The following ELAC2 variants were observed in gnomAD, a reference collection of about 807,000 sequenced individuals.
ELAC2 encodes the protein elaC ribonuclease Z 2, also known as zinc phosphodiesterase ELAC protein 2.
A neutral mutation model predicts 105.2 loss-of-function variants in ELAC2; 92 were observed. The ratio of observed to expected loss-of-function variants is 0.87; its 90% CI spans 0.74 to 1.04. ELAC2 has a LOEUF of 1.04. ELAC2 is among the 50% of genes least tolerant of loss of function. The pLI is 0.00. For synonymous variants in ELAC2, 468 were observed against 409.1 expected, an observed-to-expected ratio of 1.14 and a Z score of -1.74; for missense variants, 1,099 against 1,071.7, an observed-to-expected ratio of 1.03 and a Z score of -0.36.
Position 13,013,199 on chromosome 17 carries a change from A to C in ELAC2, c.559+8T>G. The C allele has an allele frequency of 6.2e-7, 1 of 1,614,184 alleles. No homozygotes were observed. The highest frequency in any genetic ancestry group is 8.5e-7 in the Non-Finnish European group (1 of 1,180,020). On this transcript the variant is annotated splice_region_variant and intron_variant, in intron 6 of 23. Coordinates refer to ENST00000338034, the MANE Select transcript of ELAC2 (RefSeq NM_018127.7). ...CCTCCTCCTGGGAAACCTGGCTTTC[A>C]TACTCACTGTGTATGGGGATCTGGT...
Position 12,992,719 on chromosome 17 carries a change from G to C in ELAC2, c.*99C>G, listed in dbSNP as rs1005336453. 2 of 1,433,470 alleles carry C rather than the reference G, an allele frequency of 1.4e-6. No homozygotes were observed. The highest frequency in any genetic ancestry group is 1.2e-5 in the South Asian group (1 of 84,834). 88.8% of individuals were successfully genotyped at this position (1,433,470 alleles called of 1,614,324 possible). ...ACCTATCCTGAGCTGCCTCCTGGGG[G>C]ACCGTGCTCTTCAGCTTCTACCAGC... is the stretch of plus-strand genomic sequence containing the variant. On this transcript the variant is annotated 3_prime_UTR_variant, in exon 24 of 24. Transcript: ENST00000338034.
Position 13,000,283 on chromosome 17 carries a change from A to G in ELAC2, c.1305-9T>C. 1 of 1,609,962 alleles carries G rather than the reference A, an allele frequency of 6.2e-7. No individual in the cohort carries two copies. The highest frequency in any genetic ancestry group is 8.5e-7 in the Non-Finnish European group (1 of 1,177,238). Reference sequence around the variant, plus strand: ...AAGTAATAATGGCATCCCTGCAGGAAGAGAGAGAAGCATCTCAGGTGACGG... The same window carrying G: ...AAGTAATAATGGCATCCCTGCAGGAGGAGAGAGAAGCATCTCAGGTGACGG... On this transcript the variant is annotated splice_polypyrimidine_tract_variant and intron_variant, in intron 14 of 23. Coordinates refer to ENST00000338034, the MANE Select transcript of ELAC2 (RefSeq NM_018127.7).
chr17:12,994,285 C>CACAG (rs2040353034), intron 22 of ELAC2, 140 bp downstream of exon 22: 1 of 992,132 alleles, frequency 1.0e-6, no homozygotes. Context: ...TGAGCACTGC[C>CACAG]ACAGGTCAAG....
chr17:12,992,266 G>GACTT lies in ELAC2; in HGVS notation c.*548_*551dup, dbSNP rs1444781597. ...AGAGGTGCTCACTACGACGGGAGCT[G>GACTT]ACTTCTTCCAAGCCACCCGGGTACC... On this transcript the variant is annotated 3_prime_UTR_variant, in exon 24 of 24. Coordinates refer to ENST00000338034, the MANE Select transcript of ELAC2 (RefSeq NM_018127.7). 4.1e-6 allele frequency: 1 copy of GACTT among 241,368 alleles called. No individual in the cohort carries two copies. The highest frequency in any genetic ancestry group is 8.2e-6 in the Non-Finnish European group (1 of 122,368). The allele number at this position is 241,368 out of a possible 1,614,324, so 15.0% of individuals were successfully genotyped here.
At chr17:12,999,809 C>T (rs1235534129) in intron 15 of ELAC2, among the ~76,000 whole-genome samples, 3 of 152,226 alleles carry the variant, frequency 2.0e-5, no homozygotes, top group Admixed American at 6.5e-5. Flanking sequence ...CAGGCGCCCG[C>T]CGCCACGCCC....
At chr17:13,005,253 C>A (rs1269649645) in intron 10 of ELAC2, 152 bp from the exon 11 acceptor site, 2 of 709,014 alleles carry the variant, frequency 2.8e-6, no homozygotes, top group African/African-American at 3.5e-5. Context: ...CCATCAACAC[C>A]CTTCTGGTCT....
intron 10 of ELAC2, 24 bp downstream of exon 10, chr17:13,005,729 A>ATC: frequency 6.2e-6 from 10 of 1,613,378 alleles, no homozygotes; most frequent in Non-Finnish European, 8.5e-6. Context: ...GTAACTGCTG[A>ATC]ATCAAGAAAA....
intron 14 of ELAC2, 33 bp from the exon 15 acceptor site, chr17:13,000,307 G>A (rs1477571290): frequency 6.3e-6 from 10 of 1,597,578 alleles, no homozygotes; most frequent in South Asian, 3.3e-5. Flanking sequence ...CTCAGGTGAC[G>A]GACAGGGTAT....
intron 3 of ELAC2, among the ~76,000 whole-genome samples, chr17:13,016,404 CACTT>C (rs1470073887): frequency 6.6e-6 from 1 of 152,170 alleles, no homozygotes; most frequent in Non-Finnish European, 1.5e-5. Flanking sequence ...TGGATGGTAA[CACTT>C]AAGAGGTGGT....
intron 17 of ELAC2, chr17:12,996,288 G>T (rs1020641452): frequency 3.7e-5 from 24 of 643,622 alleles, no homozygotes; most frequent in South Asian, 2.8e-4. Context: ...AGCAGGCCGT[G>T]TGAGATTCAA....
At chr17:12,994,257 A>C (rs1330166289) in intron 22 of ELAC2, among the ~76,000 whole-genome samples, 168 bp downstream of exon 22, 1 of 152,206 alleles carries the variant, frequency 6.6e-6, no homozygotes, top group African/African-American at 2.4e-5. Context: ...TTCTGCAAAA[A>C]TAAAGGCCAA....
rs544139096 is a variant in ELAC2, at chr17:13,010,549, T to C, written c.738+64A>G. The C allele has an allele frequency of 4.9e-5, 73 of 1,475,264 alleles. No individual in the cohort carries two copies. The East Asian group carries it at 1.5e-3, about 31-fold the overall frequency. 91.4% of individuals were successfully genotyped at this position (1,475,264 alleles called of 1,614,324 possible). On this transcript the variant is annotated intron_variant, in intron 8 of 23. Coordinates refer to ENST00000338034, the MANE Select transcript of ELAC2 (RefSeq NM_018127.7). ...GCCTACCCTCAAATTAATGAAAAAG[T>C]GCAAACCAGAGGTCGCTGACCAAGA...
At chr17:12,994,529 G>A (rs959478306) in intron 21 of ELAC2, 26 bp from the exon 22 acceptor site, 4 of 1,613,744 alleles carry the variant, frequency 2.5e-6, no homozygotes, top group Non-Finnish European at 3.4e-6. Context: ...AAGGATCAGG[G>A]CAGAGTTCTC....
chr17:13,002,036 G>A (rs1370781283), intron 14 of ELAC2, among the ~76,000 whole-genome samples: 1 of 152,088 alleles, frequency 6.6e-6, no homozygotes, highest in Non-Finnish European at 1.5e-5. Context: ...GCCCCAATCC[G>A]CCCACCTCAA....
intron 8 of ELAC2, among the ~76,000 whole-genome samples, chr17:13,009,969 C>T (rs75913028): frequency 0.093 from 12,228 of 131,396 alleles, 709 homozygotes; most frequent in Middle Eastern, 0.24. Flanking sequence ...CCAGCCTAGG[C>T]GATGGAGACA....
chr17:13,015,853 C>T (rs1438334369), intron 3 of ELAC2, 21 bp from the exon 4 acceptor site: 1 of 1,602,260 alleles, frequency 6.2e-7, no homozygotes, highest in Non-Finnish European at 8.6e-7. Context: ...TGCATAAAAT[C>T]AGATCTCTCA....
rs989490256 is a variant in ELAC2 at position 12,993,021 on chromosome 17, T to A, written c.2278A>T (p.Met760Leu). Residue 760 changes from methionine to leucine, a missense_variant, in exon 24 of 24, where the codon ATG (methionine) becomes TTG (leucine). Coordinates refer to ENST00000338034, the MANE Select transcript of ELAC2 (RefSeq NM_018127.7). ...TTCAGTGGGGGAATCAGCTTGGGCA[T>A]TGTTGGAAAGTCTCCAAAGCAGACC... is the stretch of plus-strand genomic sequence containing the variant. Reference protein sequence around the residue: ...MKVCFGDFPTMPKLIPPLKAL... With the variant: ...MKVCFGDFPTLPKLIPPLKAL... The A allele has an allele frequency of 3.1e-6, 5 of 1,604,270 alleles. No individual in the cohort carries two copies. The highest frequency in any genetic ancestry group is 3.4e-6 in the Non-Finnish European group (4 of 1,178,394).
Position 12,996,694 on chromosome 17 carries a change from G to A in ELAC2, c.1521-9C>T. 2 of 1,612,542 alleles carry A rather than the reference G, an allele frequency of 1.2e-6. No homozygotes were observed. The highest frequency in any genetic ancestry group is 8.5e-7 in the Non-Finnish European group (1 of 1,179,592). ...GCAGAGACGTGTCGGGGCTGCAGAAGAGAAGAGGAAGAGAGTCACTGCCAC... is the reference window on the plus strand; with the variant it reads ...GCAGAGACGTGTCGGGGCTGCAGAAAAGAAGAGGAAGAGAGTCACTGCCAC... On this transcript the variant is annotated splice_polypyrimidine_tract_variant and intron_variant, in intron 16 of 23. Transcript: ENST00000338034.
In ELAC2 at chr17:12,991,850, TAC is replaced by T. The variant is rs2040175329; in HGVS notation, c.*966_*967del. Among the ~76,000 whole-genome samples the T allele has an allele frequency of 6.9e-6, 1 of 145,778 alleles. No individual in the cohort carries two copies. Among genetic ancestry groups the T allele is most frequent in the African/African-American group, 2.5e-5 (1 of 40,020 alleles). On this transcript the variant is annotated 3_prime_UTR_variant, in exon 24 of 24. Coordinates refer to ENST00000338034, the MANE Select transcript of ELAC2 (RefSeq NM_018127.7). The stretch of plus-strand genomic sequence containing the variant: ...TACACAATAAATACTAGATTCAACT[TAC>T]TTACTTACTTACTTACTTTACTTAC...
Sources: gnomAD v4.1 joint callset for allele counts (sites outside exome capture counted in the v4.1 genomes callset) on GRCh38, gnomAD v4.1.1 for gene constraint, MANE v1.5 for transcripts, NCBI Gene and HGNC (gene_info 2026-07-23, HGNC 2026-07-21) for gene names.